The following MTF1 variants were observed in gnomAD, a reference collection of about 807,000 sequenced individuals.
MTF1 encodes MRE-binding transcription factor.
Under a neutral mutation model 70.4 loss-of-function variants are expected in MTF1, and 22 were observed. The observed-to-expected ratio is 0.31, with a 90% CI of 0.22 to 0.45. The LOEUF is 0.45. Ranked by LOEUF, MTF1 falls within the 20% of genes least tolerant of loss-of-function variation. The pLI is 1.00. For synonymous variants in MTF1, 333 were observed against 352.8 expected (o/e 0.94, Z 0.63); for missense variants, 649 against 922.0 (o/e 0.70, Z 3.83).
At chr1:37,817,360 C>T (rs961801178) in intron 10 of MTF1, 59 bp downstream of exon 10, 6 of 998,112 alleles carry the variant, frequency 6.0e-6, no homozygotes, top group Non-Finnish European at 7.9e-6. Flanking sequence ...CAATAATTAG[C>T]TGTGCCTCAA....
In MTF1 at chr1:37,815,797, C is replaced by T. The variant is rs948878931; in HGVS notation, c.1832-231G>A. Among the ~76,000 whole-genome samples, 11 of 152,320 alleles carry T rather than the reference C, an allele frequency of 7.2e-5. No homozygotes were observed. The highest frequency in any genetic ancestry group is 1.2e-4 in the African/African-American group (5 of 41,568). ...CCGTTTCCTTAGAAAGTCACACACA[C>T]GATCTAGATGCACCCTGTATTTCCA... On this transcript the variant is annotated intron_variant, in intron 10 of 10. Coordinates refer to ENST00000373036, the MANE Select transcript of MTF1 (RefSeq NM_005955.3). The surrounding 1 kb of genome is among the most constrained non-coding windows in gnomAD (Gnocchi z 4.5).
chr1:37,842,146 T>C (rs956423474), intron 2 of MTF1, among the ~76,000 whole-genome samples: 6 of 152,086 alleles, frequency 3.9e-5, no homozygotes, highest in African/African-American at 1.2e-4. Flanking sequence ...CACATGCCTA[T>C]AGTCCCAGCA....
rs1361426561 is a variant in MTF1 at position 37,810,770 on chromosome 1, T to G, written c.*4366A>C. 6.6e-6 allele frequency: 1 copy of G among 152,174 alleles called. No homozygotes were observed. The highest frequency in any genetic ancestry group is 2.4e-5 in the African/African-American group (1 of 41,428). The allele number at this position is 152,174 out of a possible 1,614,324, so 9.4% of individuals were successfully genotyped here. On this transcript the variant is annotated 3_prime_UTR_variant, in exon 11 of 11. Transcript: ENST00000373036. Reference sequence around the variant, plus strand: ...TATTCTATAGCCTGAGAATTGAAGATAAAATGGGGGAGGTGGAGTAAAGGA... The same window carrying G: ...TATTCTATAGCCTGAGAATTGAAGAGAAAATGGGGGAGGTGGAGTAAAGGA...
intron 9 of MTF1, among the ~76,000 whole-genome samples, chr1:37,818,568 G>T (rs1640857807): frequency 6.6e-6 from 1 of 151,502 alleles, no homozygotes; most frequent in South Asian, 2.1e-4. Context: ...GCCGGGCATG[G>T]TGGCGGGCGC....
intron 9 of MTF1, among the ~76,000 whole-genome samples, chr1:37,820,077 A>T (rs2148400962): frequency 6.6e-6 from 1 of 152,094 alleles, no homozygotes; most frequent in East Asian, 1.9e-4. Flanking sequence ...AATAAAAACC[A>T]CATGGAGGCG....
Position 37,822,215 on chromosome 1 carries a change from G to A in MTF1, c.1673C>T (p.Thr558Ile). 2 of 1,614,230 alleles carry A rather than the reference G, an allele frequency of 1.2e-6. No homozygotes were observed. The highest frequency in any genetic ancestry group is 1.7e-6 in the Non-Finnish European group (2 of 1,180,044). The change falls in exon 9 of 11, where the codon ACA (threonine) becomes ATA (isoleucine). Residue 558 changes from threonine (T) to isoleucine (I), a missense_variant. Around this residue, in one of 7 missense-constraint regions of MTF1, gnomAD observed 267 missense variants for 292.1 expected, o/e 0.91. Transcript: ENST00000373036. ...GACTAGGCTGGACTGCAGGATAGCT[G>A]TGTTGGGAGTTGGGGTGATGGTTAT... Reference protein sequence around the residue: ...PTITITPTPNTAILQSSLVMG... With the variant: ...PTITITPTPNIAILQSSLVMG...
intron 10 of MTF1, among the ~76,000 whole-genome samples, chr1:37,816,164 CTCTT>C (rs1640815691): frequency 6.6e-6 from 1 of 152,208 alleles, no homozygotes; most frequent in African/African-American, 2.4e-5. Context: ...TTACTCATCT[CTCTT>C]TCTCTCATGT....
Position 37,809,991 on chromosome 1 carries a change from G to A in MTF1, c.*5145C>T, listed in dbSNP as rs1640681037. On this transcript the variant is annotated 3_prime_UTR_variant, in exon 11 of 11. Coordinates refer to ENST00000373036, the MANE Select transcript of MTF1 (RefSeq NM_005955.3). ...CTAGAAGATCTGAGCCAGAAATTCA[G>A]CAAAAATCTGTTTCCAGCCACCCTC... 1 of 152,446 alleles carries A rather than the reference G, an allele frequency of 6.6e-6. No homozygotes were observed. Among genetic ancestry groups the A allele is most frequent in the Non-Finnish European group, 1.5e-5 (1 of 68,034 alleles). 9.4% of individuals were successfully genotyped at this position (152,446 alleles called of 1,614,324 possible).
In MTF1 at chr1:37,821,286, G is replaced by A. The variant is rs533741891; in HGVS notation, c.1767+835C>T. On this transcript the variant is annotated intron_variant, in intron 9 of 10. Coordinates refer to ENST00000373036, the MANE Select transcript of MTF1 (RefSeq NM_005955.3). Reference sequence around the variant, plus strand: ...AAAAAGTAATCTAAAAATAATGTACGTAGGTAATAACTGACACATTGCAGA... The same window carrying A: ...AAAAAGTAATCTAAAAATAATGTACATAGGTAATAACTGACACATTGCAGA... Among the ~76,000 whole-genome samples, 3 of 152,096 alleles carry A rather than the reference G, an allele frequency of 2.0e-5. No individual in the cohort carries two copies. In the South Asian group the frequency reaches 6.2e-4, roughly 32 times the overall value.
intron 7 of MTF1, among the ~76,000 whole-genome samples, chr1:37,825,174 A>T (rs2148404369): frequency 6.6e-6 from 1 of 152,354 alleles, no homozygotes; most frequent in East Asian, 1.9e-4. Flanking sequence ...CAAGGGCTTC[A>T]GCCGAATGCT....
At chr1:37,821,355 TAGTA>T (rs1434719887) in intron 9 of MTF1, among the ~76,000 whole-genome samples, 1 of 152,084 alleles carries the variant, frequency 6.6e-6, no homozygotes, top group Non-Finnish European at 1.5e-5. Flanking sequence ...TCCTTACACA[TAGTA>T]AGGACTCAAT....
chr1:37,848,613 C>A (rs565714930), intron 2 of MTF1, among the ~76,000 whole-genome samples: 62 of 152,150 alleles, frequency 4.1e-4, no homozygotes, highest in Non-Finnish European at 6.9e-4. Flanking sequence ...AGTTTGAAAC[C>A]CAATTGTACA....
chr1:37,813,302 C>G lies in MTF1; in HGVS notation c.*1834G>C, dbSNP rs1031067861. On this transcript the variant is annotated 3_prime_UTR_variant, in exon 11 of 11. Transcript: ENST00000373036. The stretch of plus-strand genomic sequence containing the variant: ...CAAAAAAAAAAAGAAGTCAATTATT[C>G]TGGCTAGGGTCCTGGAATGAGAAAT... The G allele has an allele frequency of 6.6e-6, 1 of 152,124 alleles. No individual in the cohort carries two copies. Among genetic ancestry groups the G allele is most frequent in the Non-Finnish European group, 1.5e-5 (1 of 68,060 alleles). 9.4% of individuals were successfully genotyped at this position (152,124 alleles called of 1,614,324 possible). A position where few individuals can be genotyped will look rare whatever the true frequency, so the allele number is the denominator to read the frequency against.
Position 37,839,912 on chromosome 1 carries a change from AGACT to A in MTF1, c.647+4_647+7del. ...AGAGGCTGGCAGAGCATTGGAGACG[AGACT>A]GACCTGTACAGTGTGTTGAATGCCT... On this transcript the variant is annotated splice_donor_5th_base_variant and intron_variant, in intron 3 of 10. Transcript: ENST00000373036. 1 of 1,609,850 alleles carries A rather than the reference AGACT, an allele frequency of 6.2e-7. No homozygotes were observed. The highest frequency in any genetic ancestry group is 2.2e-5 in the East Asian group (1 of 44,848).
At chr1:37,855,801 T>G (rs201897415) in intron 2 of MTF1, among the ~76,000 whole-genome samples, 2 of 151,846 alleles carry the variant, frequency 1.3e-5, no homozygotes, top group Non-Finnish European at 2.9e-5. Flanking sequence ...TACTAAAAAT[T>G]CAAAAAATTA....
intron 2 of MTF1, among the ~76,000 whole-genome samples, chr1:37,851,331 T>C (rs913322108): frequency 2.0e-5 from 3 of 152,204 alleles, no homozygotes; most frequent in African/African-American, 7.2e-5. Flanking sequence ...GTGCTCATAA[T>C]ATCCTTGACC....
At chr1:37,833,612 TC>T (rs1641120835) in intron 6 of MTF1, among the ~76,000 whole-genome samples, 3 of 151,550 alleles carry the variant, frequency 2.0e-5, no homozygotes, top group South Asian at 4.2e-4. Flanking sequence ...CAAACTAAAC[TC>T]CTCCCCACGT....
Position 37,815,553 on chromosome 1 carries a change from C to T in MTF1, c.1845G>A (p.Gln615=). 6.5e-7 allele frequency: 1 copy of T among 1,529,230 alleles called. No individual in the cohort carries two copies. 94.7% of individuals were successfully genotyped at this position (1,529,230 alleles called of 1,614,324 possible). Residue 615 remains glutamine (Q), a synonymous_variant, in exon 11 of 11, where the codon CAG becomes CAA. Transcript: ENST00000373036. The surrounding 1 kb of genome is among the most constrained non-coding windows in gnomAD (Gnocchi z 4.5). The part of the protein sequence containing the change: ...PVASSPGSSV[Q]QIGLSVPVII... ...TCACAGGAACACTGAGGCCAATCTG[C>T]TGGACAGAGCTCCCTGCGAGAGAGG... is the stretch of plus-strand genomic sequence containing the variant.
intron 6 of MTF1, among the ~76,000 whole-genome samples, chr1:37,832,607 A>G (rs975797180): frequency 6.6e-6 from 1 of 152,168 alleles, no homozygotes; most frequent in Non-Finnish European, 1.5e-5. Context: ...CATTAAGTAT[A>G]TCTCCTAATG....
Sources: gnomAD v4.1 joint callset for allele counts (sites outside exome capture counted in the v4.1 genomes callset) on GRCh38, gnomAD v4.1.1 for gene constraint, gnomAD v4.1.1 regional missense constraint, Gnocchi (gnomAD v3.1) non-coding constraint, MANE v1.5 for transcripts, NCBI Gene and HGNC (gene_info 2026-07-23, HGNC 2026-07-21) for gene names.